Variants in KIF13A observed in about 807,000 individuals in gnomAD.
KIF13A encodes kinesin family member 13A.
In KIF13A, 79 loss-of-function variants were observed where a neutral mutation model predicts 212.2. The observed-to-expected ratio is 0.37, with a 90% CI of 0.31 to 0.45. The LOEUF (loss-of-function observed/expected upper bound fraction) is 0.45, where lower values mean the gene tolerates loss of function less well. Ranked by LOEUF, KIF13A falls within the 20% of genes least tolerant of loss-of-function variation. The pLI, the probability that KIF13A is intolerant of heterozygous loss-of-function variation, is 1.00. For synonymous variants in KIF13A, 789 were observed against 808.6 expected, an observed-to-expected ratio of 0.98 and a Z score of 0.41; for missense variants, 1,901 against 2,209.0, an observed-to-expected ratio of 0.86 and a Z score of 2.79.
intron 2 of KIF13A, among the ~76,000 whole-genome samples, chr6:17,958,108 T>C (rs761048121): frequency 1.4e-4 from 21 of 152,152 alleles, no homozygotes; most frequent in East Asian, 3.9e-4. Flanking sequence ...TCTCATATAA[T>C]AGACACCCGC....
At chr6:17,958,882 T>C (rs1036821574) in intron 2 of KIF13A, among the ~76,000 whole-genome samples, 51 of 118,464 alleles carry the variant, frequency 4.3e-4, no homozygotes, top group Admixed American at 9.7e-4. Flanking sequence ...TTTTCTTTTT[T>C]TTTTTTTTTT....
At chr6:17,874,755 TCCCTCGC>T (rs1296292190) in intron 3 of KIF13A, among the ~76,000 whole-genome samples, 1 of 151,956 alleles carries the variant, frequency 6.6e-6, no homozygotes, top group African/African-American at 2.4e-5. Context: ...TAGTCTTTTA[TCCCTCGC>T]CCCTCTCCCA....
chr6:17,905,408 T>C (rs1773406500), intron 2 of KIF13A, among the ~76,000 whole-genome samples: 1 of 152,172 alleles, frequency 6.6e-6, no homozygotes, highest in South Asian at 2.1e-4. Context: ...CATGAATAAT[T>C]AATATTAAGT....
At chr6:17,832,961 C>T (rs150833665) in intron 12 of KIF13A, among the ~76,000 whole-genome samples, 2,018 of 139,426 alleles carry the variant, frequency 0.014, 34 homozygotes, top group Middle Eastern at 0.056. Flanking sequence ...TTGCAGTGAG[C>T]CGAGATTGCG....
At position 17,804,364 on chromosome 6, in the gene KIF13A, C is replaced by T. The variant is rs369988382; in HGVS notation, c.2451G>A (p.Gly817=). The T allele has an allele frequency of 3.2e-6, 5 of 1,539,564 alleles. No homozygotes were observed. Among genetic ancestry groups the T allele is most frequent in the Non-Finnish European group, 4.4e-6 (5 of 1,139,786 alleles). ...TCCAAGGCTGGCCTGTGCTTACCTC[C>T]CCCTGCTGGCTGATGATAGGGACTG... ...QYAVPIISQQ[G]EVAGRLHVEV... The change falls in exon 20 of 39, where the codon GGG becomes GGA. Residue 817 remains glycine, a synonymous_variant. Transcript: ENST00000259711.
At chr6:17,986,747 G>A (rs774464630) in intron 2 of KIF13A, among the ~76,000 whole-genome samples, 1 of 152,222 alleles carries the variant, frequency 6.6e-6, no homozygotes, top group Non-Finnish European at 1.5e-5. Flanking sequence ...TGTAAAATGT[G>A]GCCGCTGGAC....
At chr6:17,863,018 G>A (rs939651320) in intron 4 of KIF13A, among the ~76,000 whole-genome samples, 3 of 152,126 alleles carry the variant, frequency 2.0e-5, no homozygotes, top group African/African-American at 7.2e-5. Flanking sequence ...GATTGTTTGA[G>A]CCTAGGAGGT....
intron 9 of KIF13A, among the ~76,000 whole-genome samples, chr6:17,840,736 A>C (rs889445523): frequency 7.2e-5 from 11 of 152,202 alleles, no homozygotes; most frequent in Admixed American, 3.3e-4. Context: ...TTTGAGAGAA[A>C]AAAGGAAAGA....
At chr6:17,810,406 C>T (rs746217996) in intron 17 of KIF13A, among the ~76,000 whole-genome samples, 15 of 152,192 alleles carry the variant, frequency 9.9e-5, no homozygotes, top group Non-Finnish European at 1.8e-4. Flanking sequence ...CTCCCACAAC[C>T]CCTGCCTAAT....
chr6:17,962,208 G>A (rs1778876337), intron 2 of KIF13A, among the ~76,000 whole-genome samples: 1 of 152,094 alleles, frequency 6.6e-6, no homozygotes, highest in Non-Finnish European at 1.5e-5. Flanking sequence ...CTACTTGGGA[G>A]GCTGAGGCAA....
At chr6:17,823,747 T>A (rs1764680798) in intron 16 of KIF13A, among the ~76,000 whole-genome samples, 2 of 151,268 alleles carry the variant, frequency 1.3e-5, no homozygotes, top group South Asian at 4.2e-4. Context: ...GGATTACAGG[T>A]GCAAACCACC....
At chr6:17,896,933 C>T (rs922357377) in intron 3 of KIF13A, among the ~76,000 whole-genome samples, 25 of 152,170 alleles carry the variant, frequency 1.6e-4, no homozygotes, top group Non-Finnish European at 3.1e-4. Flanking sequence ...ATAAACGGCA[C>T]TTATACATTC....
In KIF13A at chr6:17,830,911, G is replaced by A. The variant is rs893489009; in HGVS notation, c.1401+190C>T. Among the ~76,000 whole-genome samples the A allele has an allele frequency of 2.0e-4, 31 of 152,044 alleles. 1 individual carries two copies. Among genetic ancestry groups the A allele is most frequent in the Admixed American group, 1.6e-3 (25 of 15,272 alleles). Reference sequence around the variant, plus strand: ...GACTCACAGGAGATCAGCCCCAACTGCACAGCCCCAGATGATACAAAATAG... The same window carrying A: ...GACTCACAGGAGATCAGCCCCAACTACACAGCCCCAGATGATACAAAATAG... On this transcript the variant is annotated intron_variant, in intron 13 of 38. Coordinates refer to ENST00000259711, the MANE Select transcript of KIF13A (RefSeq NM_022113.6).
rs540287912 is a variant in KIF13A at position 17,850,824 on chromosome 6, G to A, written c.583-367C>T. 1.2e-4 allele frequency among the ~76,000 whole-genome samples: 18 copies of A among 152,284 alleles called. No homozygotes were observed. The highest frequency in any genetic ancestry group is 6.2e-4 in the South Asian group (3 of 4,824). ...CTTACCAACCCGCTGATGCCTGCCT[G>A]TCTGCCTCCCTCCTCCAATACTGTG... is the stretch of plus-strand genomic sequence containing the variant. On this transcript the variant is annotated intron_variant, in intron 7 of 38. Coordinates refer to ENST00000259711, the MANE Select transcript of KIF13A (RefSeq NM_022113.6). This position sits in a 1 kb window ranked among gnomAD's most constrained non-coding sequence, Gnocchi z 6.2.
chr6:17,846,996 A>G (rs1767130329), intron 9 of KIF13A, among the ~76,000 whole-genome samples: 1 of 152,228 alleles, frequency 6.6e-6, no homozygotes, highest in Non-Finnish European at 1.5e-5. Flanking sequence ...CTCATCTGTA[A>G]AATGGGGATA....
chr6:17,824,111 T>G (rs1363234749), intron 16 of KIF13A, among the ~76,000 whole-genome samples: 2 of 151,852 alleles, frequency 1.3e-5, no homozygotes, highest in South Asian at 4.2e-4. Context: ...TTTTGCCATG[T>G]TGGTCAGGCT....
chr6:17,919,209 C>T lies in KIF13A; in HGVS notation c.147-21029G>A, dbSNP rs968500654. The stretch of plus-strand genomic sequence containing the variant: ...TAATAGTGAAAATTGCAAACACATA[C>T]GAATGGAATGTGAACAGCATCACAT... On this transcript the variant is annotated intron_variant, in intron 2 of 38. Coordinates refer to ENST00000259711, the MANE Select transcript of KIF13A (RefSeq NM_022113.6). This position sits in a 1 kb window ranked among gnomAD's most constrained non-coding sequence, Gnocchi z 4.1. 2.0e-5 allele frequency among the ~76,000 whole-genome samples: 3 copies of T among 152,130 alleles called. No homozygotes were observed. The highest frequency in any genetic ancestry group is 1.3e-4 in the Admixed American group (2 of 15,270).
intron 6 of KIF13A, among the ~76,000 whole-genome samples, chr6:17,854,719 A>C (rs547878908): frequency 2.7e-5 from 4 of 150,926 alleles, no homozygotes; most frequent in African/African-American, 9.7e-5. Context: ...CACCTGGGTA[A>C]TTTTTGTATT....
chr6:17,879,552 C>G (rs933771656), intron 3 of KIF13A, among the ~76,000 whole-genome samples: 1 of 152,150 alleles, frequency 6.6e-6, no homozygotes. Context: ...GGGTCCCCTT[C>G]AGCATCATTA....
Sources: allele counts gnomAD v4.1 joint callset (sites outside exome capture counted in the v4.1 genomes callset), GRCh38; gene constraint gnomAD v4.1.1; non-coding constraint Gnocchi (gnomAD v3.1); transcripts MANE v1.5; gene names NCBI Gene and HGNC (gene_info 2026-07-23, HGNC 2026-07-21).